Variants in RAPGEF5 observed in about 807,000 individuals in gnomAD.
RAPGEF5 encodes Rap guanine nucleotide exchange factor 5, also known as M-Ras-regulated GEF.
Under a neutral mutation model 125.2 loss-of-function variants are expected in RAPGEF5, and 65 were observed. The ratio of observed to expected loss-of-function variants is 0.52; its 90% CI spans 0.43 to 0.64. The LOEUF (loss-of-function observed/expected upper bound fraction) is 0.64, where lower values mean the gene tolerates loss of function less well. Among genes scored for constraint, RAPGEF5 ranks in the 30% least tolerant of loss-of-function variants. RAPGEF5 has a pLI of 0.00. For missense variants in RAPGEF5, 958 were observed against 1,048.1 expected, an observed-to-expected ratio of 0.91 and a Z score of 1.19; for synonymous variants, 391 against 385.9, an observed-to-expected ratio of 1.01 and a Z score of -0.16.
Position 22,140,044 on chromosome 7 carries a change from C to T in RAPGEF5, c.2258G>A (p.Arg753Gln), listed in dbSNP as rs1416132826. 2 of 1,568,128 alleles carry T rather than the reference C, an allele frequency of 1.3e-6. No individual in the cohort carries two copies. The highest frequency in any genetic ancestry group is 8.6e-7 in the Non-Finnish European group (1 of 1,156,132). ...VMGLNTASVS[R>Q]LSQTWEKIPG... The stretch of plus-strand genomic sequence containing the variant: ...GCTCACCTCCCAGGTCTGCGACAGT[C>T]GACTGACAGAAGCAGTGTTGAGACC... Residue 753 changes from arginine to glutamine, a missense_variant, in exon 21 of 26, where the codon CGA becomes CAA. Arg to Gln is a conservative substitution (Grantham distance 43). Coordinates refer to ENST00000665637, the MANE Select transcript of RAPGEF5 (RefSeq NM_012294.5).
At chr7:22,129,852 G>T (rs1232424477) in intron 24 of RAPGEF5, among the ~76,000 whole-genome samples, 1 of 151,902 alleles carries the variant, frequency 6.6e-6, no homozygotes, top group Non-Finnish European at 1.5e-5. Context: ...GGTTTTGGGG[G>T]TTGTATAAGG....
Position 22,218,203 on chromosome 7 carries a change from G to A in RAPGEF5, c.996+1663C>T, listed in dbSNP as rs116543388. On this transcript the variant is annotated intron_variant, in intron 9 of 25. Coordinates refer to ENST00000665637, the MANE Select transcript of RAPGEF5 (RefSeq NM_012294.5). ...GAAGAGTATTATAATCTCATTGGCC[G>A]TGACTACTTATAATATTCTGGACTG... 5.1e-3 allele frequency among the ~76,000 whole-genome samples: 778 copies of A among 152,182 alleles called. 8 individuals are homozygous for A. Among genetic ancestry groups the A allele is most frequent in the African/African-American group, 0.018 (740 of 41,528 alleles).
chr7:22,241,226 T>C (rs1406093501), intron 7 of RAPGEF5, among the ~76,000 whole-genome samples: 1 of 152,236 alleles, frequency 6.6e-6, no homozygotes, highest in East Asian at 1.9e-4. Context: ...GCCACTTATA[T>C]TATGCTCATT....
At chr7:22,270,248 C>G (rs1439459881) in intron 6 of RAPGEF5, among the ~76,000 whole-genome samples, 1 of 152,184 alleles carries the variant, frequency 6.6e-6, no homozygotes, top group African/African-American at 2.4e-5. Flanking sequence ...TGCTCTCTGG[C>G]CACTAGAGCC....
At chr7:22,328,116 C>T (rs924243957) in intron 1 of RAPGEF5, among the ~76,000 whole-genome samples, 2 of 152,154 alleles carry the variant, frequency 1.3e-5, no homozygotes, top group East Asian at 1.9e-4. Context: ...ATCCCTAGGA[C>T]GTGGCAGAGT....
intron 3 of RAPGEF5, among the ~76,000 whole-genome samples, chr7:22,311,402 T>A (rs1783468304): frequency 6.6e-6 from 1 of 152,192 alleles, no homozygotes; most frequent in African/African-American, 2.4e-5. Context: ...TTATTTGTAT[T>A]TCTAAAGTAG....
At chr7:22,270,912 TG>T (rs1782401915) in intron 6 of RAPGEF5, among the ~76,000 whole-genome samples, 1 of 152,192 alleles carries the variant, frequency 6.6e-6, no homozygotes, top group South Asian at 2.1e-4. Flanking sequence ...CAGTTTTGGT[TG>T]GATTTTGCCA....
intron 24 of RAPGEF5, among the ~76,000 whole-genome samples, chr7:22,125,912 C>CT (rs1221546611): frequency 1.3e-5 from 2 of 152,152 alleles, no homozygotes; most frequent in African/African-American, 4.8e-5. Flanking sequence ...CTTTGGGAGG[C>CT]TGAGGTGGGC....
chr7:22,337,847 A>G (rs1193206466), intron 1 of RAPGEF5, among the ~76,000 whole-genome samples: 2 of 152,260 alleles, frequency 1.3e-5, no homozygotes, highest in Admixed American at 6.5e-5. Flanking sequence ...TATAAAGCAC[A>G]TTGTTTGCAA....
chr7:22,202,376 T>G (rs1178399304), intron 9 of RAPGEF5, among the ~76,000 whole-genome samples: 4 of 152,242 alleles, frequency 2.6e-5, no homozygotes, highest in Admixed American at 2.6e-4. Context: ...GCTTGCCTTA[T>G]CTACAGCCAA....
intron 6 of RAPGEF5, among the ~76,000 whole-genome samples, chr7:22,277,696 C>T (rs1782589215): frequency 1.3e-5 from 2 of 152,138 alleles, no homozygotes; most frequent in Admixed American, 1.3e-4. Flanking sequence ...GCTCCTAGGG[C>T]CCTCTTTCTG....
At chr7:22,149,526 C>G (rs1377660455) in intron 18 of RAPGEF5, among the ~76,000 whole-genome samples, 1 of 152,208 alleles carries the variant, frequency 6.6e-6, no homozygotes, top group Non-Finnish European at 1.5e-5. Flanking sequence ...TTAGGAACCA[C>G]AGCAGCAATG....
intron 7 of RAPGEF5, among the ~76,000 whole-genome samples, chr7:22,235,875 C>T (rs1226007807): frequency 6.6e-6 from 1 of 152,128 alleles, no homozygotes; most frequent in Non-Finnish European, 1.5e-5. Flanking sequence ...ATAAATGCTT[C>T]CAAATACTCA....
chr7:22,262,572 GAGTATTTATTCC>G (rs1782183273), intron 7 of RAPGEF5, among the ~76,000 whole-genome samples: 1 of 152,000 alleles, frequency 6.6e-6, no homozygotes, highest in African/African-American at 2.4e-5. Flanking sequence ...TTGTACTCCT[GAGTATTTATTCC>G]AGAGAAATGA....
intron 8 of RAPGEF5, among the ~76,000 whole-genome samples, chr7:22,222,793 G>A (rs1785824651): frequency 6.6e-6 from 1 of 152,196 alleles, no homozygotes; most frequent in Non-Finnish European, 1.5e-5. Context: ...AGTAGTTGAT[G>A]GTAGAAGACC....
At chr7:22,201,838 G>A (rs1476828714) in intron 9 of RAPGEF5, among the ~76,000 whole-genome samples, 1 of 152,206 alleles carries the variant, frequency 6.6e-6, no homozygotes, top group Non-Finnish European at 1.5e-5. Flanking sequence ...CCAGGTTTGG[G>A]AGTGGGATGG....
At chr7:22,304,453 A>G (rs994368011) in intron 5 of RAPGEF5, among the ~76,000 whole-genome samples, 3 of 152,190 alleles carry the variant, frequency 2.0e-5, no homozygotes, top group African/African-American at 7.2e-5. Context: ...AGTAATCTGG[A>G]GTTATTATTA....
At chr7:22,311,071 G>A (rs1325174965) in intron 3 of RAPGEF5, among the ~76,000 whole-genome samples, 1 of 152,136 alleles carries the variant, frequency 6.6e-6, no homozygotes, top group Non-Finnish European at 1.5e-5. Context: ...TATCACCCAG[G>A]GTGGAGTGCT....
At chr7:22,272,144 C>T (rs1304855954) in intron 6 of RAPGEF5, among the ~76,000 whole-genome samples, 3 of 151,812 alleles carry the variant, frequency 2.0e-5, no homozygotes, top group African/African-American at 7.3e-5. Context: ...GAGTTCGAGA[C>T]CAGCCTGACC....
Sources: allele counts gnomAD v4.1 joint callset (sites outside exome capture counted in the v4.1 genomes callset), GRCh38; gene constraint gnomAD v4.1.1; transcripts MANE v1.5; gene names NCBI Gene and HGNC (gene_info 2026-07-23, HGNC 2026-07-21).